Variants in TJP1 observed in about 807,000 individuals in gnomAD.
The protein encoded by TJP1 is tight junction protein 1.
Under a neutral mutation model 194.2 loss-of-function variants are expected in TJP1, and 43 were observed. The ratio of observed to expected loss-of-function variants is 0.22; its 90% CI spans 0.17 to 0.29. The LOEUF is 0.29. Among genes scored for constraint, TJP1 ranks in the 10% least tolerant of loss-of-function variants. The pLI, the probability that TJP1 is intolerant of heterozygous loss-of-function variation, is 1.00. For synonymous variants in TJP1, 801 were observed against 779.0 expected (o/e 1.03, Z -0.47); for missense variants, 1,971 against 2,185.7 (o/e 0.90, Z 1.96).
intron 1 of TJP1, among the ~76,000 whole-genome samples, chr15:29,960,635 CAA>C (rs3085441): frequency 8.5e-5 from 10 of 117,836 alleles, no homozygotes; most frequent in Admixed American, 1.8e-4. Flanking sequence ...GACCATGTCT[CAA>C]AAAAAAAAAA....
chr15:29,734,853 T>A (rs913466911), intron 11 of TJP1, among the ~76,000 whole-genome samples: 5 of 152,012 alleles, frequency 3.3e-5, no homozygotes, highest in African/African-American at 1.2e-4. Flanking sequence ...ACTCTAATTT[T>A]AAAAAAACAG....
At chr15:29,851,556 G>A (rs980275631) in intron 2 of TJP1, among the ~76,000 whole-genome samples, 12 of 151,998 alleles carry the variant, frequency 7.9e-5, no homozygotes, top group African/African-American at 1.7e-4. Context: ...GAAGAACAAC[G>A]CCAATAAAAA....
At position 29,965,671 on chromosome 15, in the gene TJP1, G is replaced by A. The variant is rs11857826; in HGVS notation, c.173+2996C>T. ...CTTATGTCTCCAATGCTCCATGTGC[G>A]GTTGCTATGAAACTAGCAAAATGAA... is the stretch of plus-strand genomic sequence containing the variant. On this transcript the variant is annotated intron_variant, in intron 1 of 28. Coordinates refer to the TJP1 transcript ENST00000356107. 2.0e-3 allele frequency among the ~76,000 whole-genome samples: 305 copies of A among 152,210 alleles called. 2 individuals carry two copies. Among genetic ancestry groups the A allele is most frequent in the African/African-American group, 7.0e-3 (291 of 41,518 alleles).
At chr15:29,831,863 G>A (rs995282856) in intron 2 of TJP1, among the ~76,000 whole-genome samples, 9 of 152,264 alleles carry the variant, frequency 5.9e-5, no homozygotes, top group Admixed American at 3.9e-4. Flanking sequence ...CAGCAAATGC[G>A]GCAAAATATT....
intron 2 of TJP1, among the ~76,000 whole-genome samples, chr15:29,942,638 T>C (rs922626523): frequency 2.0e-5 from 3 of 152,234 alleles, no homozygotes; most frequent in African/African-American, 7.2e-5. Context: ...CCTCTCCGTT[T>C]GGAAGATTAA....
At chr15:29,836,869 G>C (rs551636340) in intron 2 of TJP1, among the ~76,000 whole-genome samples, 1 of 152,222 alleles carries the variant, frequency 6.6e-6, no homozygotes, top group South Asian at 2.1e-4. Flanking sequence ...CCCTCTAGAG[G>C]ATACAGCCAC....
At chr15:29,887,943 C>T (rs1381269667) in intron 2 of TJP1, among the ~76,000 whole-genome samples, 1 of 152,076 alleles carries the variant, frequency 6.6e-6, no homozygotes, top group Admixed American at 6.5e-5. Context: ...CCAGTAATTC[C>T]ACTTCTGGGA....
At chr15:29,929,723 A>C (rs923040362) in intron 2 of TJP1, among the ~76,000 whole-genome samples, 5 of 152,200 alleles carry the variant, frequency 3.3e-5, no homozygotes, top group African/African-American at 1.2e-4. Flanking sequence ...TAAATAAATA[A>C]ATAAATGTAT....
intron 2 of TJP1, among the ~76,000 whole-genome samples, chr15:29,840,643 G>A (rs1490472018): frequency 6.6e-6 from 1 of 152,080 alleles, no homozygotes; most frequent in Admixed American, 6.6e-5. Context: ...CCTGAGGCCA[G>A]GCAGCCTCCA....
chr15:29,839,124 G>T (rs1247697332), intron 2 of TJP1, among the ~76,000 whole-genome samples: 1 of 142,364 alleles, frequency 7.0e-6, no homozygotes, highest in Non-Finnish European at 1.5e-5. Context: ...TCAGCCTCCC[G>T]AGTAGCTGGG....
At chr15:29,876,854 T>C (rs907567675) in intron 2 of TJP1, among the ~76,000 whole-genome samples, 2 of 152,202 alleles carry the variant, frequency 1.3e-5, no homozygotes, top group African/African-American at 4.8e-5. Flanking sequence ...TAGCACACTC[T>C]TGACCATATC....
upstream of TJP1, among the ~76,000 whole-genome samples, chr15:29,827,084 C>T (rs1314230758): frequency 6.6e-6 from 1 of 152,172 alleles, no homozygotes; most frequent in African/African-American, 2.4e-5. Flanking sequence ...CCCACAGCAT[C>T]TTGAGTGCAC....
intron 27 of TJP1, among the ~76,000 whole-genome samples, chr15:29,702,114 G>A (rs1247448857): frequency 2.0e-5 from 3 of 150,512 alleles, no homozygotes; most frequent in South Asian, 4.2e-4. Context: ...TTCCAGTTTC[G>A]AAAGTCTGGA....
chr15:29,707,539 T>G (rs1195353870), intron 25 of TJP1, among the ~76,000 whole-genome samples: 1 of 152,198 alleles, frequency 6.6e-6, no homozygotes, highest in African/African-American at 2.4e-5. Context: ...GTGGCCATCC[T>G]GACCTTTGGT....
intron 23 of TJP1, among the ~76,000 whole-genome samples, chr15:29,713,066 C>T (rs2151063864): frequency 6.6e-6 from 1 of 152,338 alleles, no homozygotes; most frequent in South Asian, 2.1e-4. Context: ...CAGGCTCTCT[C>T]TCATCTAATG....
chr15:29,718,092 T>C lies in TJP1; in HGVS notation c.3903A>G (p.Ser1301=). Reference sequence around the variant, plus strand: ...GTTTGGGACCAATGATGGGAGCACCTGAAGGTTTAGATGCTACTTCTGGAG... The same window carrying C: ...GTTTGGGACCAATGATGGGAGCACCCGAAGGTTTAGATGCTACTTCTGGAG... The part of the protein sequence containing the change: ...FKPPEVASKP[S]GAPIIGPKPT... Residue 1301 remains serine (S), a synonymous_variant, in exon 22 of 28, where the codon TCA becomes TCG. Transcript: ENST00000614355. 6.2e-7 allele frequency: 1 copy of C among 1,607,396 alleles called. No individual in the cohort carries two copies. Among genetic ancestry groups the C allele is most frequent in the African/African-American group, 1.4e-5 (1 of 72,954 alleles).
chr15:29,733,337 A>T, intron 12 of TJP1, 24 bp from the exon 13 acceptor site: 1 of 1,478,596 alleles, frequency 6.8e-7, no homozygotes, highest in Non-Finnish European at 9.4e-7. Flanking sequence ...AAACAAACAC[A>T]TTATCAATAT....
At chr15:29,802,935 G>A (rs114597293) in intron 1 of TJP1, among the ~76,000 whole-genome samples, 5 of 152,038 alleles carry the variant, frequency 3.3e-5, no homozygotes, top group Admixed American at 3.3e-4. Context: ...CCTCTCTAAG[G>A]TCTTAATGAA....
intron 27 of TJP1, 50 bp from the exon 28 acceptor site, chr15:29,701,739 C>T: frequency 7.2e-7 from 1 of 1,391,438 alleles, no homozygotes; most frequent in Non-Finnish European, 1.0e-6. Flanking sequence ...AAACTGCTAT[C>T]CGTAATGCTT....
Sources: gnomAD v4.1 joint callset for allele counts (sites outside exome capture counted in the v4.1 genomes callset) on GRCh38, gnomAD v4.1.1 for gene constraint, MANE v1.5 for transcripts, NCBI Gene and HGNC (gene_info 2026-07-23, HGNC 2026-07-21) for gene names.